The following RALGAPB variants were observed in gnomAD, a reference collection of about 807,000 sequenced individuals.
RALGAPB encodes Ral GTPase activating protein non-catalytic subunit beta.
RALGAPB carries 25 observed loss-of-function variants against 161.1 expected under a neutral mutation model. The observed-to-expected ratio is 0.16, with a 90% CI of 0.11 to 0.22. The LOEUF (loss-of-function observed/expected upper bound fraction) is 0.22, where lower values mean the gene tolerates loss of function less well. Among genes scored for constraint, RALGAPB ranks in the 10% least tolerant of loss-of-function variants. The probability of loss-of-function intolerance (pLI) is 1.00; values close to 1 mark genes in which losing one functional copy is unlikely to be tolerated. For synonymous variants in RALGAPB, 629 were observed against 626.1 expected (o/e 1.00, Z -0.07); for missense variants, 1,391 against 1,815.2 (o/e 0.77, Z 4.25).
intron 2 of RALGAPB, among the ~76,000 whole-genome samples, chr20:38,492,372 C>G (rs932985337): frequency 6.6e-6 from 1 of 152,120 alleles, no homozygotes; most frequent in Non-Finnish European, 1.5e-5. Context: ...TAAGATCTTA[C>G]CCAGCTTCAA....
chr20:38,528,344 T>TA (rs2086535441), intron 13 of RALGAPB, among the ~76,000 whole-genome samples: 5 of 144,296 alleles, frequency 3.5e-5, no homozygotes, highest in African/African-American at 1.3e-4. Flanking sequence ...ATTCATTTTA[T>TA]TTTTATTTAT....
At chr20:38,523,459 G>A (rs2086358214) in intron 10 of RALGAPB, among the ~76,000 whole-genome samples, 1 of 152,186 alleles carries the variant, frequency 6.6e-6, no homozygotes, top group South Asian at 2.1e-4. Flanking sequence ...TGAATGGGTG[G>A]TAGTAGGACA....
chr20:38,481,979 C>T (rs2084983953), intron 1 of RALGAPB, among the ~76,000 whole-genome samples: 1 of 152,152 alleles, frequency 6.6e-6, no homozygotes, highest in African/African-American at 2.4e-5. Flanking sequence ...TCTCGTACAT[C>T]ATAAGGGTTA....
intron 2 of RALGAPB, among the ~76,000 whole-genome samples, chr20:38,490,486 G>A (rs953280873): frequency 6.6e-6 from 1 of 151,098 alleles, no homozygotes; most frequent in Non-Finnish European, 1.5e-5. Flanking sequence ...GGTATTACAG[G>A]CGTGAGCCAC....
Position 38,576,392 on chromosome 20 carries a change from G to A in RALGAPB, c.*1425G>A, listed in dbSNP as rs1311612972. 1.3e-5 allele frequency: 2 copies of A among 152,644 alleles called. No individual in the cohort carries two copies. Among genetic ancestry groups the A allele is most frequent in the Non-Finnish European group, 2.9e-5 (2 of 68,046 alleles). The allele number at this position is 152,644 out of a possible 1,614,324, so 9.5% of individuals were successfully genotyped here. On this transcript the variant is annotated 3_prime_UTR_variant, in exon 30 of 30. Transcript: ENST00000262879. ...GATGTTTTGGTGGTTTACTTACGGA[G>A]TGGGGATAGTGTGAGACCTAATTCC...
intron 6 of RALGAPB, among the ~76,000 whole-genome samples, chr20:38,509,942 G>C (rs1005446863): frequency 2.0e-5 from 3 of 152,026 alleles, no homozygotes; most frequent in Non-Finnish European, 4.4e-5. Context: ...TGTAGTTACA[G>C]TTTGTGTTTT....
At chr20:38,531,307 C>A in intron 14 of RALGAPB, 76 bp downstream of exon 14, 2 of 1,300,834 alleles carry the variant, frequency 1.5e-6, no homozygotes, top group Non-Finnish European at 2.2e-6. Context: ...GAATGTCCAT[C>A]TTTGTGAATT....
intron 10 of RALGAPB, among the ~76,000 whole-genome samples, chr20:38,523,865 G>A (rs1180635880): frequency 6.6e-6 from 1 of 152,188 alleles, no homozygotes; most frequent in Non-Finnish European, 1.5e-5. Context: ...AGAGAAGGGA[G>A]TAGTTAGAGG....
At chr20:38,487,507 G>T (rs1205222774) in intron 1 of RALGAPB, among the ~76,000 whole-genome samples, 2 of 152,132 alleles carry the variant, frequency 1.3e-5, no homozygotes, top group African/African-American at 4.8e-5. Context: ...GATTCTAGAA[G>T]AAATGAAAAT....
intron 5 of RALGAPB, among the ~76,000 whole-genome samples, chr20:38,508,227 A>G (rs575883346): frequency 2.0e-5 from 3 of 152,212 alleles, no homozygotes; most frequent in Admixed American, 2.0e-4. Context: ...AAAGACATTT[A>G]AAAACTAAGA....
At position 38,551,126 on chromosome 20, in the gene RALGAPB, C is replaced by T. The variant is rs568410358; in HGVS notation, c.3065C>T (p.Ser1022Phe). Residue 1022 changes from serine to phenylalanine, a missense_variant, in exon 21 of 30, where the codon TCT (serine) becomes TTT (phenylalanine). Physicochemically the swap from Ser to Phe is radical, Grantham distance 155. Around this residue, in one of 3 missense-constraint regions of RALGAPB, gnomAD observed 946 missense variants for 1,257.2 expected, o/e 0.75. Coordinates refer to ENST00000262879, the MANE Select transcript of RALGAPB (RefSeq NM_020336.4). ...AAAAATGACGTTGGATTTAAATATT[C>T]TGTGAAACATCGGCCATTTCCTGAA... The part of the protein sequence containing the change: ...VPKNDVGFKY[S>F]VKHRPFPEEV... 9 of 1,613,924 alleles carry T rather than the reference C, an allele frequency of 5.6e-6. 1 individual carries two copies. The highest frequency in any genetic ancestry group is 1.6e-4 in the Middle Eastern group (1 of 6,062).
intron 23 of RALGAPB, among the ~76,000 whole-genome samples, chr20:38,559,959 G>A (rs1290761290): frequency 1.3e-5 from 2 of 152,074 alleles, no homozygotes; most frequent in Admixed American, 1.3e-4. Context: ...ACATGATCCT[G>A]GAATTTTACT....
chr20:38,523,274 C>T (rs1372368710), intron 10 of RALGAPB, among the ~76,000 whole-genome samples: 1 of 152,172 alleles, frequency 6.6e-6, no homozygotes, highest in Non-Finnish European at 1.5e-5. Flanking sequence ...ATCTGCCTGT[C>T]TCTGGTCTAG....
chr20:38,567,857 T>G (rs1053732892), intron 26 of RALGAPB, among the ~76,000 whole-genome samples: 2 of 152,160 alleles, frequency 1.3e-5, no homozygotes. Flanking sequence ...CCTTCCACAG[T>G]GAAAGTTATT....
intron 13 of RALGAPB, among the ~76,000 whole-genome samples, chr20:38,529,154 A>C (rs1270846357): frequency 1.3e-5 from 2 of 152,234 alleles, no homozygotes; most frequent in South Asian, 2.1e-4. Context: ...TGTTGACCAG[A>C]AACCTTACCC....
chr20:38,560,235 T>C (rs545318155), intron 23 of RALGAPB, among the ~76,000 whole-genome samples: 159 of 152,230 alleles, frequency 1.0e-3, no homozygotes, highest in African/African-American at 3.5e-3. Context: ...GGAAGGCAGA[T>C]GATTAAATAA....
intron 26 of RALGAPB, 93 bp from the exon 27 acceptor site, chr20:38,569,795 C>A: frequency 3.4e-6 from 3 of 874,824 alleles, no homozygotes; most frequent in Non-Finnish European, 5.6e-6. Flanking sequence ...GGTCACTGAG[C>A]ACCTTGACAA....
At chr20:38,527,895 A>G (rs780287818) in intron 13 of RALGAPB, among the ~76,000 whole-genome samples, 3 of 152,184 alleles carry the variant, frequency 2.0e-5, no homozygotes, top group Admixed American at 6.5e-5. Context: ...CTCTTTATCC[A>G]TAGTGGGCAA....
chr20:38,575,045 TA>T lies in RALGAPB; in HGVS notation c.*83del. 1 of 1,203,996 alleles carries T rather than the reference TA, an allele frequency of 8.3e-7. No homozygotes were observed. The highest frequency in any genetic ancestry group is 1.9e-5 in the Admixed American group (1 of 52,982). The allele number at this position is 1,203,996 out of a possible 1,614,324, so 74.6% of individuals were successfully genotyped here. ...AGAACAGTTTGATAGGTGATCACTG[TA>T]AAAATAAAAACAAATCACTCCCAAG... On this transcript the variant is annotated 3_prime_UTR_variant, in exon 30 of 30. Coordinates refer to ENST00000262879, the MANE Select transcript of RALGAPB (RefSeq NM_020336.4).
Sources: gnomAD v4.1 joint callset for allele counts (sites outside exome capture counted in the v4.1 genomes callset) on GRCh38, gnomAD v4.1.1 for gene constraint, gnomAD v4.1.1 regional missense constraint, MANE v1.5 for transcripts, NCBI Gene and HGNC (gene_info 2026-07-23, HGNC 2026-07-21) for gene names.